The following LRRC40 variants were observed in gnomAD, a reference collection of about 807,000 sequenced individuals.
LRRC40 encodes the protein leucine-rich repeat-containing protein 40.
LRRC40 carries 76 observed loss-of-function variants against 72.8 expected under a neutral mutation model. The ratio of observed to expected loss-of-function variants is 1.04; its 90% CI spans 0.87 to 1.26. The LOEUF (loss-of-function observed/expected upper bound fraction) is 1.26, where lower values mean the gene tolerates loss of function less well. Among genes scored for constraint, LRRC40 ranks in the 50% most tolerant of loss-of-function variants. The pLI is 0.00. For missense variants in LRRC40, 684 were observed against 698.9 expected, an observed-to-expected ratio of 0.98 and a Z score of 0.24; for synonymous variants, 243 against 254.2, an observed-to-expected ratio of 0.96 and a Z score of 0.42.
intron 1 of LRRC40, among the ~76,000 whole-genome samples, chr1:70,197,477 T>C (rs1668640326): frequency 6.6e-6 from 1 of 151,876 alleles, no homozygotes; most frequent in Non-Finnish European, 1.5e-5. Flanking sequence ...CAGGGTCTCA[T>C]TATGTTGCCC....
At chr1:70,187,873 A>AGAAGAGAAGAGAAGAGAAGG (rs953673164) in intron 2 of LRRC40, among the ~76,000 whole-genome samples, 16 of 151,682 alleles carry the variant, frequency 1.1e-4, no homozygotes, top group African/African-American at 3.6e-4. Context: ...AGAAGAGAAG[A>AGAAGAGAAGAGAAGAGAAGG]GAAGAGAAGA....
chr1:70,165,185 ACAATTT>A (rs1186403721), intron 9 of LRRC40, among the ~76,000 whole-genome samples: 1 of 152,250 alleles, frequency 6.6e-6, no homozygotes, highest in Non-Finnish European at 1.5e-5. Context: ...AAAAATAATA[ACAATTT>A]CAGAGTTATA....
intron 4 of LRRC40, among the ~76,000 whole-genome samples, chr1:70,183,444 T>C (rs114276322): frequency 8.2e-4 from 125 of 152,294 alleles, no homozygotes; most frequent in Non-Finnish European, 1.4e-3. Flanking sequence ...TGGAGTTAAA[T>C]TGACTTACAC....
chr1:70,175,795 G>C lies in LRRC40; in HGVS notation c.977+15C>G, dbSNP rs368706688. On this transcript the variant is annotated intron_variant, in intron 7 of 14. Coordinates refer to ENST00000370952, the MANE Select transcript of LRRC40 (RefSeq NM_017768.5). ...ATACAAACACAATTTCTATTCATTT[G>C]ATATTTAAACTTACCTACTAATATC... is the stretch of plus-strand genomic sequence containing the variant. 7 of 1,489,526 alleles carry C rather than the reference G, an allele frequency of 4.7e-6. No individual in the cohort carries two copies. Among genetic ancestry groups the C allele is most frequent in the Non-Finnish European group, 6.3e-6 (7 of 1,107,678 alleles). The allele number at this position is 1,489,526 out of a possible 1,614,324, so 92.3% of individuals were successfully genotyped here. A position where few individuals can be genotyped will look rare whatever the true frequency, so the allele number is the denominator to read the frequency against.
intron 9 of LRRC40, among the ~76,000 whole-genome samples, chr1:70,166,214 G>A (rs1411510738): frequency 6.6e-6 from 1 of 152,104 alleles, no homozygotes; most frequent in South Asian, 2.1e-4. Flanking sequence ...CAAGAAAAAT[G>A]GAAGAGATAA....
chr1:70,161,000 A>G lies in LRRC40; in HGVS notation c.1112-1562T>C, dbSNP rs191285582. Among the ~76,000 whole-genome samples, 120 of 151,588 alleles carry G rather than the reference A, an allele frequency of 7.9e-4. 1 individual carries two copies. Among genetic ancestry groups the G allele is most frequent in the African/African-American group, 2.7e-3 (110 of 41,376 alleles). On this transcript the variant is annotated intron_variant, in intron 9 of 14. Transcript: ENST00000370952. ...TCCTATAGGTTTCCAGAGAGAGAGA[A>G]AAAAAAAAGTTGTAATTGTACAAGT... is the stretch of plus-strand genomic sequence containing the variant.
At chr1:70,176,513 C>CA (rs1668107666) in intron 6 of LRRC40, among the ~76,000 whole-genome samples, 1 of 112,188 alleles carries the variant, frequency 8.9e-6, no homozygotes, top group Non-Finnish European at 1.7e-5. Context: ...GCCTGGATGA[C>CA]AGACCAAGAA....
intron 1 of LRRC40, among the ~76,000 whole-genome samples, chr1:70,197,237 G>A (rs1435530002): frequency 1.5e-5 from 2 of 136,228 alleles, no homozygotes; most frequent in African/African-American, 5.5e-5. Flanking sequence ...GGTCCTTATA[G>A]ATACTGGGGG....
chr1:70,168,694 A>G (rs1667940272), intron 9 of LRRC40, among the ~76,000 whole-genome samples: 2 of 152,230 alleles, frequency 1.3e-5, no homozygotes, highest in African/African-American at 4.8e-5. Flanking sequence ...GGAGAGAACC[A>G]AGGAATAAGA....
chr1:70,205,209 G>A (rs981619492), intron 1 of LRRC40, among the ~76,000 whole-genome samples, 181 bp downstream of exon 1: 2 of 152,190 alleles, frequency 1.3e-5, no homozygotes, highest in Non-Finnish European at 2.9e-5. Context: ...GGGAACCTGG[G>A]AAGGAACTGA....
intron 9 of LRRC40, among the ~76,000 whole-genome samples, chr1:70,167,557 C>G (rs762889016): frequency 3.3e-5 from 5 of 152,026 alleles, no homozygotes; most frequent in Non-Finnish European, 1.5e-5. Flanking sequence ...GAGACTCTGT[C>G]TGAAAACAAA....
rs569889369 is a variant in LRRC40 at position 70,154,652 on chromosome 1, C to T, written c.1328+1037G>A. Among the ~76,000 whole-genome samples the T allele has an allele frequency of 2.0e-5, 3 of 152,272 alleles. No individual in the cohort carries two copies. The East Asian group carries it at 5.8e-4, about 29-fold the overall frequency. On this transcript the variant is annotated intron_variant, in intron 11 of 14. Coordinates refer to ENST00000370952, the MANE Select transcript of LRRC40 (RefSeq NM_017768.5). ...AAATAGAAAGCAAATTATATTTTGT[C>T]TCACTTTTTAAAAGCTTTAAACATC... is the stretch of plus-strand genomic sequence containing the variant.
chr1:70,165,088 AACAAC>A (rs1022232172), intron 9 of LRRC40, among the ~76,000 whole-genome samples: 4 of 152,208 alleles, frequency 2.6e-5, no homozygotes, highest in African/African-American at 7.2e-5. Context: ...GGCTCAACAT[AACAAC>A]ACATCAATTA....
At chr1:70,203,955 C>A (rs1231778281) in intron 1 of LRRC40, among the ~76,000 whole-genome samples, 5 of 152,178 alleles carry the variant, frequency 3.3e-5, no homozygotes, top group African/African-American at 1.2e-4. Context: ...CCATTTATAT[C>A]TTTCCCTCCT....
At chr1:70,190,696 A>AAAAAAAAAAAAAAAAAAAAC (rs1668479521) in intron 1 of LRRC40, among the ~76,000 whole-genome samples, 1 of 115,058 alleles carries the variant, frequency 8.7e-6, no homozygotes, top group African/African-American at 4.2e-5. Flanking sequence ...AAAAAAAAAA[A>AAAAAAAAAAAAAAAAAAAAC]CTTAAAAAAA....
chr1:70,197,252 CG>C (rs369849014), intron 1 of LRRC40, among the ~76,000 whole-genome samples: 2 of 16,284 alleles, frequency 1.2e-4, no homozygotes, highest in Non-Finnish European at 2.6e-4. Flanking sequence ...TGGGGGGCGG[CG>C]GGGGGGAGGA....
chr1:70,162,855 A>C lies in LRRC40; in HGVS notation c.1112-3417T>G, dbSNP rs75442353. ...GTACAAGATTGCAAAGAAACTAAAA[A>C]TATGATTCCAATTCATTAATATATA... On this transcript the variant is annotated intron_variant, in intron 9 of 14. Transcript: ENST00000370952. Among the ~76,000 whole-genome samples, 684 of 152,326 alleles carry C rather than the reference A, an allele frequency of 4.5e-3. 5 individuals carry two copies. Among genetic ancestry groups the C allele is most frequent in the African/African-American group, 0.016 (671 of 41,578 alleles).
At chr1:70,186,658 T>TC (rs1246892318) in intron 3 of LRRC40, among the ~76,000 whole-genome samples, 1 of 152,200 alleles carries the variant, frequency 6.6e-6, no homozygotes, top group African/African-American at 2.4e-5. Context: ...AAATCTCCTT[T>TC]CCCATAGCCT....
intron 12 of LRRC40, 52 bp downstream of exon 12, chr1:70,152,381 C>G: frequency 1.1e-6 from 1 of 947,852 alleles, no homozygotes; most frequent in South Asian, 1.5e-5. Context: ...AGACAAAACT[C>G]AAAGACAAGT....
Sources: allele counts gnomAD v4.1 joint callset (sites outside exome capture counted in the v4.1 genomes callset), GRCh38; gene constraint gnomAD v4.1.1; transcripts MANE v1.5; gene names NCBI Gene and HGNC (gene_info 2026-07-23, HGNC 2026-07-21).